The following RADIL variants were observed in gnomAD, a reference collection of about 807,000 sequenced individuals.
The protein encoded by RADIL is ras-associating and dilute domain-containing protein.
In RADIL, 99 loss-of-function variants were observed where a neutral mutation model predicts 97.6. That is an observed-to-expected ratio of 1.01 (90% CI 0.86 to 1.20). The LOEUF is 1.20. Ranked by LOEUF, RADIL falls within the 50% of genes most tolerant of loss-of-function variation. The pLI is 0.00. For missense variants in RADIL, 1,765 were observed against 1,498.9 expected (o/e 1.18, Z -2.93); for synonymous variants, 803 against 691.8 (o/e 1.16, Z -2.52).
chr7:4,800,918 C>T lies in RADIL; in HGVS notation c.2843-608G>A, dbSNP rs149355877. On this transcript the variant is annotated intron_variant, in intron 12 of 14. Transcript: ENST00000399583. ...CTCTGCACACGCACCCAGGACACTT[C>T]GCTCCTGCAAGGCACACCCAAGCCC... Among the ~76,000 whole-genome samples the T allele has an allele frequency of 8.8e-3, 1,348 of 152,332 alleles. 9 individuals are homozygous for T. Among genetic ancestry groups the T allele is most frequent in the South Asian group, 0.017 (81 of 4,832 alleles).
rs1342931936 is a variant in RADIL, at chr7:4,797,090, T to A, written c.*2288A>T. 1 of 152,284 alleles carries A rather than the reference T, an allele frequency of 6.6e-6. No individual in the cohort carries two copies. Among genetic ancestry groups the A allele is most frequent in the Non-Finnish European group, 1.5e-5 (1 of 68,072 alleles). The allele number at this position is 152,284 out of a possible 1,614,324, so 9.4% of individuals were successfully genotyped here. ...TGTTGTAGATTGTCTGGGGCCTGGCTGGGAAGTCGTTCTGCTCCACGTGGT... is the reference window on the plus strand; with the variant it reads ...TGTTGTAGATTGTCTGGGGCCTGGCAGGGAAGTCGTTCTGCTCCACGTGGT... On this transcript the variant is annotated 3_prime_UTR_variant, in exon 15 of 15. Coordinates refer to ENST00000399583, the MANE Select transcript of RADIL (RefSeq NM_018059.5).
chr7:4,805,686 G>C lies in RADIL; in HGVS notation c.2170C>G (p.Pro724Ala). ...MSWTALRAAF[P>A]ALSPAQLHRL... ...TGCAGCTGTGCTGGGCTCAGTGCGG[G>C]GAACGCAGCCCGCAGGGCTGTCCAG... The change falls in exon 10 of 15, where the codon CCC (proline) becomes GCC (alanine). Residue 724 changes from proline to alanine, a missense_variant. Physicochemically the swap from Pro to Ala is conservative, Grantham distance 27 (BLOSUM62 -1). Coordinates refer to ENST00000399583, the MANE Select transcript of RADIL (RefSeq NM_018059.5). The C allele has an allele frequency of 6.2e-7, 1 of 1,611,342 alleles. No individual in the cohort carries two copies. The highest frequency in any genetic ancestry group is 8.5e-7 in the Non-Finnish European group (1 of 1,179,760).
In RADIL at chr7:4,817,423, C is replaced by A; in HGVS notation, c.1616-72G>T. 7.3e-7 allele frequency: 1 copy of A among 1,367,890 alleles called. No homozygotes were observed. Among genetic ancestry groups the A allele is most frequent in the Non-Finnish European group, 1.0e-6 (1 of 995,480 alleles). 84.7% of individuals were successfully genotyped at this position (1,367,890 alleles called of 1,614,324 possible). On this transcript the variant is annotated intron_variant, in intron 6 of 14. Transcript: ENST00000399583. This position sits in a 1 kb window ranked among gnomAD's most constrained non-coding sequence, Gnocchi z 8.3. ...AGGAACGCAGCAACTCAGCCAGCCG[C>A]CAGCTCTTTCCCTGGCGCGGGCACC...
rs1279466147 is a variant in RADIL at position 4,854,941 on chromosome 7, T to C, written c.536-18336A>G. ...ACTTTCCTGGATTCCGTGTTTAACA[T>C]GGCCTTTTTTCATTTATAGTTACAC... On this transcript the variant is annotated intron_variant, in intron 2 of 14. Coordinates refer to ENST00000399583, the MANE Select transcript of RADIL (RefSeq NM_018059.5). The surrounding 1 kb of genome is among the most constrained non-coding windows in gnomAD (Gnocchi z 5.1). 1.3e-5 allele frequency among the ~76,000 whole-genome samples: 2 copies of C among 152,208 alleles called. No homozygotes were observed. The highest frequency in any genetic ancestry group is 1.5e-5 in the Non-Finnish European group (1 of 68,042).
intron 2 of RADIL, chr7:4,860,432 T>C (rs748076441): frequency 2.5e-6 from 4 of 1,614,088 alleles, no homozygotes; most frequent in African/African-American, 1.3e-5. Context: ...AGACTGGATA[T>C]CATAGGTGAG....
At position 4,834,889 on chromosome 7, in the gene RADIL, G is replaced by C; in HGVS notation, c.1134C>G (p.Ser378Arg). ...CGAGCGCGGCCCCGCACAGCCGGCAGCTCTGCGGCACAGCCCGGAGGCGCG... is the reference window on the plus strand; with the variant it reads ...CGAGCGCGGCCCCGCACAGCCGGCACCTCTGCGGCACAGCCCGGAGGCGCG... The part of the protein sequence containing the change: ...ALARLRAVPQ[S>R]CRLCGAALGA... The change falls in exon 4 of 15, where the codon AGC becomes AGG. Residue 378 changes from serine (S) to arginine (R), a missense_variant. Ser to Arg is a moderately radical substitution (Grantham distance 110). Transcript: ENST00000399583. The surrounding 1 kb of genome is among the most constrained non-coding windows in gnomAD (Gnocchi z 6.0). 1 of 1,460,200 alleles carries C rather than the reference G, an allele frequency of 6.8e-7. No individual in the cohort carries two copies. The highest frequency in any genetic ancestry group is 9.0e-7 in the Non-Finnish European group (1 of 1,107,670). The allele number at this position is 1,460,200 out of a possible 1,614,324, so 90.5% of individuals were successfully genotyped here.
chr7:4,835,032 C>G lies in RADIL; in HGVS notation c.991G>C (p.Glu331Gln). 1.9e-6 allele frequency: 3 copies of G among 1,610,676 alleles called. No homozygotes were observed. The highest frequency in any genetic ancestry group is 2.5e-6 in the Non-Finnish European group (3 of 1,178,978). ...PGAHISVNFS[E>Q]VGHRTVVLHH... ...AGCACCACGGTCCTGTGCCCCACCT[C>G]GGAGAAGTTGACGGAGATGTGCGCC... Residue 331 changes from glutamate to glutamine, a missense_variant, in exon 4 of 15, where the codon GAG becomes CAG. By Grantham distance (29) the Glu-to-Gln change is conservative. Coordinates refer to ENST00000399583, the MANE Select transcript of RADIL (RefSeq NM_018059.5). The surrounding 1 kb of genome is among the most constrained non-coding windows in gnomAD (Gnocchi z 5.8).
rs766646684 is a variant in RADIL at position 4,877,814 on chromosome 7, T to G, written c.326A>C (p.Gln109Pro). The change falls in exon 2 of 15, where the codon CAG becomes CCG. Residue 109 changes from glutamine to proline, a missense_variant. Coordinates refer to ENST00000399583, the MANE Select transcript of RADIL (RefSeq NM_018059.5). ...RYALDPRQAG[Q>P]YVLCDVVGQA... is the part of the protein sequence containing the mutation. The stretch of plus-strand genomic sequence containing the variant: ...GCCCACCACGTCACACAGCACGTAC[T>G]GGCCGGCCTGCCTGGGGTCCAGGGC... The G allele has an allele frequency of 1.2e-6, 2 of 1,609,524 alleles. No homozygotes were observed. The highest frequency in any genetic ancestry group is 1.7e-6 in the Non-Finnish European group (2 of 1,179,860).
rs751235328 is a variant in RADIL, at chr7:4,799,355, G to T, written c.*23C>A. 1.2e-6 allele frequency: 2 copies of T among 1,610,396 alleles called. No homozygotes were observed. Among genetic ancestry groups the T allele is most frequent in the South Asian group, 1.1e-5 (1 of 91,018 alleles). ...CCAGGTGGGACCGGGTGCCGGGCCTGTGGGGGTGTCCTCGCAGCCCCCCTA... is the reference window on the plus strand; with the variant it reads ...CCAGGTGGGACCGGGTGCCGGGCCTTTGGGGGTGTCCTCGCAGCCCCCCTA... On this transcript the variant is annotated 3_prime_UTR_variant, in exon 15 of 15. Coordinates refer to ENST00000399583, the MANE Select transcript of RADIL (RefSeq NM_018059.5).
Position 4,835,172 on chromosome 7 carries a change from G to A in RADIL, c.851C>T (p.Pro284Leu), listed in dbSNP as rs1411212917. The A allele has an allele frequency of 6.2e-7, 1 of 1,612,046 alleles. No homozygotes were observed. Among genetic ancestry groups the A allele is most frequent in the South Asian group, 1.1e-5 (1 of 90,900 alleles). ...GTCGGGGGCTGAGAGGCTGATGCTG[G>A]GCTTGCTGGAGGGGGTCCGCTGGCC... is the stretch of plus-strand genomic sequence containing the variant. Reference protein sequence around the residue: ...TVGQRTPSSKPSISLSAPDIL... With the variant: ...TVGQRTPSSKLSISLSAPDIL... The change falls in exon 4 of 15, where the codon CCC becomes CTC. Residue 284 changes from proline to leucine, a missense_variant. Pro to Leu is a moderately conservative substitution (Grantham distance 98). Coordinates refer to ENST00000399583, the MANE Select transcript of RADIL (RefSeq NM_018059.5). The surrounding 1 kb of genome is among the most constrained non-coding windows in gnomAD (Gnocchi z 5.8).
chr7:4,822,149 T>C lies in RADIL; in HGVS notation c.1615+245A>G, dbSNP rs1782850630. Among the ~76,000 whole-genome samples the C allele has an allele frequency of 6.6e-6, 1 of 151,970 alleles. No homozygotes were observed. Among genetic ancestry groups the C allele is most frequent in the South Asian group, 2.1e-4 (1 of 4,810 alleles). ...ACGCCACCGCACGGAGCACACGGGA[T>C]GATGGGGACAGACTGAGTGCCAAGG... On this transcript the variant is annotated intron_variant, in intron 6 of 14. Transcript: ENST00000399583. This position sits in a 1 kb window ranked among gnomAD's most constrained non-coding sequence, Gnocchi z 5.3.
In RADIL at chr7:4,813,031, G is replaced by C. The variant is rs1300458477; in HGVS notation, c.2139+2247C>G. Reference sequence around the variant, plus strand: ...GTTGGGGTTGGCAAGCTTTTGGTGAGGCTCAGACAGCCTCTGCTTCATCCT... The same window carrying C: ...GTTGGGGTTGGCAAGCTTTTGGTGACGCTCAGACAGCCTCTGCTTCATCCT... On this transcript the variant is annotated intron_variant, in intron 9 of 14. Transcript: ENST00000399583. This position sits in a 1 kb window ranked among gnomAD's most constrained non-coding sequence, Gnocchi z 5.0. 6.6e-6 allele frequency among the ~76,000 whole-genome samples: 1 copy of C among 152,038 alleles called. No homozygotes were observed. The highest frequency in any genetic ancestry group is 2.4e-5 in the African/African-American group (1 of 41,378).
At chr7:4,866,302 TTTGTTTTGATTGCCTGCTAGACTC>T (rs1209008827) in intron 2 of RADIL, among the ~76,000 whole-genome samples, 1 of 152,180 alleles carries the variant, frequency 6.6e-6, no homozygotes, top group African/African-American at 2.4e-5. Context: ...CAGCCACATC[TTTGTTTTGATTGCCTGCTAGACTC>T]TTGACTCCAT....
At position 4,805,565 on chromosome 7, in the gene RADIL, C is replaced by T. The variant is rs751187157; in HGVS notation, c.2290+1G>A. On this transcript the variant is annotated splice_donor_variant, in intron 10 of 14. Coordinates refer to ENST00000399583, the MANE Select transcript of RADIL (RefSeq NM_018059.5). LOFTEE classifies it high-confidence loss of function. ...CTCTCCTGCCCTGGGGCAGGGCTTA[C>T]CTGACCTGAAGGCCTCGGGGCTGTC... 6.3e-7 allele frequency: 1 copy of T among 1,594,772 alleles called. No homozygotes were observed. The highest frequency in any genetic ancestry group is 1.1e-5 in the South Asian group (1 of 90,140).
rs536023500 is a variant in RADIL, at chr7:4,801,958, G to A, written c.2537C>T (p.Ala846Val). Residue 846 changes from alanine (A) to valine (V), a missense_variant, in exon 12 of 15, where the codon GCC (alanine) becomes GTC (valine). Transcript: ENST00000399583. ...HHVVLDGHLE[A>V]PSCPLAPRDP... ...CCTGGGAGCCAGGGGGCAGCTCGGG[G>A]CCTCCAGGTGCCCGTCAAGGACCAC... 4 of 1,554,082 alleles carry A rather than the reference G, an allele frequency of 2.6e-6. No homozygotes were observed. In the African/African-American group the frequency reaches 4.1e-5, roughly 16 times the overall value.
intron 2 of RADIL, among the ~76,000 whole-genome samples, chr7:4,870,853 C>T (rs1020322534): frequency 6.6e-6 from 1 of 152,184 alleles, no homozygotes; most frequent in Non-Finnish European, 1.5e-5. Context: ...GGACGTCACC[C>T]GAGTCCCCAG....
At chr7:4,871,202 G>C (rs566985389) in intron 2 of RADIL, among the ~76,000 whole-genome samples, 27 of 152,368 alleles carry the variant, frequency 1.8e-4, no homozygotes, top group African/African-American at 6.5e-4. Context: ...CCAGTTAAGT[G>C]GCAGTGAGTT....
At chr7:4,845,740 T>C (rs1394361159) in intron 2 of RADIL, among the ~76,000 whole-genome samples, 1 of 152,222 alleles carries the variant, frequency 6.6e-6, no homozygotes, top group Admixed American at 6.5e-5. Context: ...ATTAGAGTCT[T>C]ACTCAGGGAA....
intron 2 of RADIL, among the ~76,000 whole-genome samples, chr7:4,871,253 A>G (rs1251746865): frequency 2.6e-5 from 4 of 152,264 alleles, no homozygotes; most frequent in African/African-American, 4.8e-5. Context: ...TTTCACCTCC[A>G]CTGTGCTAAG....
Sources: gnomAD v4.1 joint callset for allele counts (sites outside exome capture counted in the v4.1 genomes callset) on GRCh38, gnomAD v4.1.1 for gene constraint, Gnocchi (gnomAD v3.1) non-coding constraint, MANE v1.5 for transcripts, NCBI Gene and HGNC (gene_info 2026-07-23, HGNC 2026-07-21) for gene names.